The following HNRNPM variants were observed in gnomAD, a reference collection of about 807,000 sequenced individuals.
The protein encoded by HNRNPM is heterogeneous nuclear ribonucleoprotein M.
A neutral mutation model predicts 73.1 loss-of-function variants in HNRNPM; 11 were observed. That is an observed-to-expected ratio of 0.15 (90% confidence interval 0.09 to 0.25). The LOEUF (loss-of-function observed/expected upper bound fraction) is 0.25, where lower values mean the gene tolerates loss of function less well. Ranked by LOEUF, HNRNPM falls within the 10% of genes least tolerant of loss-of-function variation. The pLI is 1.00. For missense variants in HNRNPM, 789 were observed against 1,067.9 expected (o/e 0.74, Z 3.64); for synonymous variants, 407 against 355.2 (o/e 1.15, Z -1.64).
chr19:8,458,030 C>A (rs1969140651), intron 2 of HNRNPM, among the ~76,000 whole-genome samples: 1 of 152,180 alleles, frequency 6.6e-6, no homozygotes, highest in Non-Finnish European at 1.5e-5. Context: ...TAGTTGTCCT[C>A]AACTGAAATT....
At chr19:8,450,727 A>ATTTTTTTTTT in intron 1 of HNRNPM, among the ~76,000 whole-genome samples, 1 of 125,368 alleles carries the variant, frequency 8.0e-6, no homozygotes, top group Non-Finnish European at 1.8e-5. Context: ...TATTATTATT[A>ATTTTTTTTTT]TTTTTTTTTT....
chr19:8,458,117 CT>C (rs947957086), intron 2 of HNRNPM, among the ~76,000 whole-genome samples: 6 of 151,512 alleles, frequency 4.0e-5, no homozygotes, highest in African/African-American at 7.3e-5. Context: ...AAGAGGGGAG[CT>C]TTTTTTCTAA....
intron 3 of HNRNPM, among the ~76,000 whole-genome samples, chr19:8,463,173 T>C (rs1191765096): frequency 6.6e-6 from 1 of 152,144 alleles, no homozygotes; most frequent in African/African-American, 2.4e-5. Flanking sequence ...AAGGACTCGA[T>C]TGAGTACAGA....
chr19:8,484,796 A>G (rs1971155508), intron 13 of HNRNPM, among the ~76,000 whole-genome samples: 2 of 152,176 alleles, frequency 1.3e-5, no homozygotes, highest in Admixed American at 6.5e-5. Context: ...CAAACTCGGC[A>G]TGTGGAAAGG....
In HNRNPM at chr19:8,485,681, G is replaced by A. The variant is rs1020576972; in HGVS notation, c.1253G>A (p.Arg418His). The A allele has an allele frequency of 3.7e-6, 6 of 1,607,980 alleles. No homozygotes were observed. Among genetic ancestry groups the A allele is most frequent in the Non-Finnish European group, 3.4e-6 (4 of 1,179,708 alleles). Residue 418 changes from arginine to histidine, a missense_variant, in exon 14 of 16, where the codon CGC becomes CAC. Transcript: ENST00000325495. ...IDRLGGAGME[R>H]MGAGLGHGMD... ...CGCCTCGGGGGTGCCGGCATGGAGC[G>A]CATGGGCGCGGGCCTGGGCCACGGC...
chr19:8,461,186 A>G (rs1213133162), intron 2 of HNRNPM, among the ~76,000 whole-genome samples: 1 of 152,230 alleles, frequency 6.6e-6, no homozygotes, highest in Non-Finnish European at 1.5e-5. Flanking sequence ...CTCTAGATGT[A>G]AACTTTGGAC....
chr19:8,469,883 A>G (rs1970011649), intron 9 of HNRNPM, among the ~76,000 whole-genome samples: 2 of 152,254 alleles, frequency 1.3e-5, no homozygotes, highest in African/African-American at 4.8e-5. Context: ...GCAGCGTAGC[A>G]TTATGGCAGC....
At chr19:8,463,450 T>TTTTTC in intron 3 of HNRNPM, 47 bp from the exon 4 acceptor site, 1 of 1,604,716 alleles carries the variant, frequency 6.2e-7, no homozygotes, top group Non-Finnish European at 8.5e-7. Context: ...TTTCTTTTCT[T>TTTTTC]TTTCCCCTTC....
Position 8,473,662 on chromosome 19 carries a change from AGGAATG to A in HNRNPM, c.1004_1009del (p.Gly335_Met336del), listed in dbSNP as rs1312587498. ...AGTTTGCATTGACTTTTTCTTTTTA[AGGAATG>A]GGAATGGAAGGCATAGGATTTGGAA... On this transcript the variant is annotated splice_acceptor_variant and coding_sequence_variant, in exon 11 of 16. Coordinates refer to ENST00000325495, the MANE Select transcript of HNRNPM (RefSeq NM_005968.5). LOFTEE classifies it high-confidence loss of function. 1 of 1,561,312 alleles carries A rather than the reference AGGAATG, an allele frequency of 6.4e-7. No homozygotes were observed. Among genetic ancestry groups the A allele is most frequent in the Admixed American group, 1.7e-5 (1 of 57,924 alleles).
chr19:8,473,775 T>C, intron 11 of HNRNPM, 67 bp downstream of exon 11: 1 of 1,018,926 alleles, frequency 9.8e-7, no homozygotes, highest in East Asian at 2.4e-5. Context: ...TTTCCTCTTT[T>C]CTTTCTTGTT....
At chr19:8,454,054 G>C (rs995430025) in intron 1 of HNRNPM, among the ~76,000 whole-genome samples, 2 of 152,112 alleles carry the variant, frequency 1.3e-5, no homozygotes, top group African/African-American at 4.8e-5. Context: ...ATTGTGTAGG[G>C]AGTGGTTTCT....
chr19:8,482,133 C>T (rs376391801), intron 12 of HNRNPM, among the ~76,000 whole-genome samples: 3 of 152,076 alleles, frequency 2.0e-5, no homozygotes, highest in Non-Finnish European at 4.4e-5. Context: ...CCATCATACC[C>T]GGCTAATTTT....
chr19:8,455,623 T>A, intron 2 of HNRNPM, 49 bp downstream of exon 2: 2 of 1,481,024 alleles, frequency 1.4e-6, no homozygotes, highest in Non-Finnish European at 1.9e-6. Flanking sequence ...TGTGTCATCT[T>A]TTCTGTGGCT....
At chr19:8,468,858 T>C (rs370648481) in intron 9 of HNRNPM, 24 bp downstream of exon 9, 1 of 1,584,486 alleles carries the variant, frequency 6.3e-7, no homozygotes, top group Non-Finnish European at 8.7e-7. Flanking sequence ...TGATTAGGGC[T>C]GAGAGTTTGA....
At chr19:8,459,579 TAAA>T (rs903537693) in intron 2 of HNRNPM, among the ~76,000 whole-genome samples, 6 of 151,514 alleles carry the variant, frequency 4.0e-5, no homozygotes, top group African/African-American at 1.5e-4. Context: ...CAACTCCTGT[TAAA>T]AAAAAATATA....
At chr19:8,475,532 C>G (rs1397413291) in intron 12 of HNRNPM, among the ~76,000 whole-genome samples, 1 of 152,104 alleles carries the variant, frequency 6.6e-6, no homozygotes, top group Admixed American at 6.6e-5. Flanking sequence ...GGCGGCTGTC[C>G]CTGATGATCA....
intron 14 of HNRNPM, 25 bp from the exon 15 acceptor site, chr19:8,486,999 G>A: frequency 6.2e-7 from 1 of 1,603,290 alleles, no homozygotes; most frequent in Non-Finnish European, 8.5e-7. Flanking sequence ...TCACGCATCA[G>A]TCTCCCTTTT....
In HNRNPM at chr19:8,485,020, A is replaced by T. The variant is rs969805489; in HGVS notation, c.1175-583A>T. On this transcript the variant is annotated intron_variant, in intron 13 of 15. Transcript: ENST00000325495. ...AGCTGTGTGCATTTGTACACAGAGG[A>T]TCTCTCGGTGTGTGTTTTTTTGACC... Among the ~76,000 whole-genome samples, 8 of 151,392 alleles carry T rather than the reference A, an allele frequency of 5.3e-5. No individual in the cohort carries two copies. The East Asian group carries it at 1.2e-3, about 22-fold the overall frequency.
At chr19:8,463,358 AG>A in intron 3 of HNRNPM, 138 bp from the exon 4 acceptor site, 2 of 954,672 alleles carry the variant, frequency 2.1e-6, no homozygotes, top group Non-Finnish European at 3.3e-6. Flanking sequence ...TCCCCTTAGA[AG>A]GGTTCATTTT....
Sources: gnomAD v4.1 joint callset for allele counts (sites outside exome capture counted in the v4.1 genomes callset) on GRCh38, gnomAD v4.1.1 for gene constraint, MANE v1.5 for transcripts, NCBI Gene and HGNC (gene_info 2026-07-23, HGNC 2026-07-21) for gene names.